SNX9: variants seen among roughly 807,000 people sequenced by gnomAD.
SNX9 encodes sorting nexin 9.
In SNX9, 44 loss-of-function variants were observed where a neutral mutation model predicts 89.4. That is an observed-to-expected ratio of 0.49 (90% CI 0.39 to 0.63). The LOEUF (loss-of-function observed/expected upper bound fraction) is 0.63. SNX9 is among the 30% of genes least tolerant of loss of function. The probability of loss-of-function intolerance (pLI) is 0.00; values close to 1 mark genes in which losing one functional copy is unlikely to be tolerated. For missense variants in SNX9, 578 were observed against 736.1 expected, an observed-to-expected ratio of 0.79 and a Z score of 2.49; for synonymous variants, 236 against 247.8, an observed-to-expected ratio of 0.95 and a Z score of 0.45.
At chr6:157,828,767 G>C (rs765497503) in intron 1 of SNX9, among the ~76,000 whole-genome samples, 5 of 152,034 alleles carry the variant, frequency 3.3e-5, no homozygotes, top group African/African-American at 1.2e-4. Flanking sequence ...GAGACACTAC[G>C]CCTGGCCACA....
intron 5 of SNX9, among the ~76,000 whole-genome samples, chr6:157,899,808 G>A (rs759508342): frequency 1.2e-4 from 19 of 152,044 alleles, no homozygotes; most frequent in South Asian, 2.1e-4. Context: ...GGTATACAGC[G>A]TGATGTTGTA....
chr6:157,870,605 G>A (rs1782383884), intron 2 of SNX9, among the ~76,000 whole-genome samples: 1 of 114,580 alleles, frequency 8.7e-6, no homozygotes, highest in Non-Finnish European at 1.8e-5. Flanking sequence ...ACACCCCTCA[G>A]ACACTCTCAC....
intron 9 of SNX9, among the ~76,000 whole-genome samples, chr6:157,914,127 T>C (rs1783408606): frequency 2.0e-5 from 3 of 152,186 alleles, no homozygotes; most frequent in African/African-American, 4.8e-5. Flanking sequence ...AGAGTATCAG[T>C]AGTAGTTCCA....
intron 1 of SNX9, among the ~76,000 whole-genome samples, chr6:157,834,160 T>TTTTG (rs1781531834): frequency 2.0e-5 from 2 of 98,322 alleles, no homozygotes; most frequent in African/African-American, 4.7e-5. Context: ...GTTTTTTTTT[T>TTTTG]TTTTTTTTTT....
chr6:157,927,686 TA>T (rs1371617243), intron 11 of SNX9, among the ~76,000 whole-genome samples: 1 of 151,420 alleles, frequency 6.6e-6, no homozygotes, highest in African/African-American at 2.4e-5. Flanking sequence ...CTTACGGACT[TA>T]AAAGAAATTT....
chr6:157,916,031 C>T (rs1369721304), intron 9 of SNX9, among the ~76,000 whole-genome samples: 1 of 149,534 alleles, frequency 6.7e-6, no homozygotes, highest in East Asian at 2.0e-4. Flanking sequence ...GTTTTTTTGT[C>T]TTTTCTTTTT....
chr6:157,877,900 A>G (rs1335617832), intron 4 of SNX9, among the ~76,000 whole-genome samples: 1 of 152,014 alleles, frequency 6.6e-6, no homozygotes, highest in Non-Finnish European at 1.5e-5. Flanking sequence ...TGGTTATCCA[A>G]CTTCCTGAGT....
chr6:157,883,310 CAT>C (rs1289825770), intron 4 of SNX9, among the ~76,000 whole-genome samples: 1 of 152,228 alleles, frequency 6.6e-6, no homozygotes, highest in Non-Finnish European at 1.5e-5. Context: ...AAAAAGTCCA[CAT>C]GACTCACTTT....
At chr6:157,852,443 G>A (rs536781809) in intron 1 of SNX9, among the ~76,000 whole-genome samples, 57 of 151,486 alleles carry the variant, frequency 3.8e-4, no homozygotes, top group African/African-American at 1.2e-3. Context: ...TCCTCCTCTC[G>A]CTACCATGGT....
At chr6:157,910,568 G>A (rs1395441447) in intron 9 of SNX9, among the ~76,000 whole-genome samples, 1 of 151,822 alleles carries the variant, frequency 6.6e-6, no homozygotes, top group Non-Finnish European at 1.5e-5. Flanking sequence ...TTTTAAAAGT[G>A]CCATTTTCTA....
chr6:157,901,860 T>G (rs1256464553), intron 5 of SNX9, 38 bp from the exon 6 acceptor site: 2 of 1,565,612 alleles, frequency 1.3e-6, no homozygotes, highest in Admixed American at 4.2e-5. Context: ...TGGTCTTTTT[T>G]TTTTTTTTAA....
chr6:157,928,601 A>G lies in SNX9; in HGVS notation c.1187A>G (p.Glu396Gly). ...CTGACGGCCGCCTTCACCCACAGAG[A>G]GCAGAAGTGCGAGGCTGTGGGGAAG... is the stretch of plus-strand genomic sequence containing the variant. The part of the protein sequence containing the change: ...EAPDLDLVEI[E>G]QKCEAVGKFT... The change falls in exon 12 of 18, where the codon GAG becomes GGG. Residue 396 changes from glutamate (E) to glycine (G), a missense_variant and splice_region_variant. Glu to Gly is a moderately conservative substitution (Grantham distance 98, BLOSUM62 -2). This residue lies in a region of SNX9 where 348 missense variants were observed against 491.4 expected (regional missense o/e 0.71). Coordinates refer to ENST00000392185, the MANE Select transcript of SNX9 (RefSeq NM_016224.5). The G allele has an allele frequency of 3.1e-6, 5 of 1,605,370 alleles. No homozygotes were observed. The highest frequency in any genetic ancestry group is 4.3e-6 in the Non-Finnish European group (5 of 1,176,260).
intron 9 of SNX9, 123 bp from the exon 10 acceptor site, chr6:157,921,408 C>G: frequency 1.0e-6 from 1 of 969,626 alleles, no homozygotes; most frequent in Non-Finnish European, 1.5e-6. Context: ...CATGGTTTAC[C>G]TTTTGCTAAA....
At chr6:157,858,250 CTTTT>C (rs141525968) in intron 1 of SNX9, among the ~76,000 whole-genome samples, 1 of 143,850 alleles carries the variant, frequency 7.0e-6, no homozygotes, top group Non-Finnish European at 1.5e-5. Context: ...TTTCTTTTTT[CTTTT>C]TTTTTTTTTG....
intron 1 of SNX9, among the ~76,000 whole-genome samples, chr6:157,846,861 A>G (rs946682061): frequency 5.3e-5 from 8 of 152,152 alleles, no homozygotes; most frequent in African/African-American, 1.9e-4. Context: ...AGCCTAGCCA[A>G]CGTGGCGAAA....
chr6:157,928,738 G>A lies in SNX9; in HGVS notation c.1288+36G>A, dbSNP rs139090397. ...TCCTCACAGTGCACTGGGCTCGTAG[G>A]GGGTGATGCAGGCTCAGTTTTATGT... On this transcript the variant is annotated intron_variant, in intron 12 of 17. Coordinates refer to ENST00000392185, the MANE Select transcript of SNX9 (RefSeq NM_016224.5). 9,848 of 1,483,252 alleles carry A rather than the reference G, an allele frequency of 6.6e-3. 50 individuals carry two copies. The highest frequency in any genetic ancestry group is 0.025 in the Middle Eastern group (139 of 5,610). The allele number at this position is 1,483,252 out of a possible 1,614,324, so 91.9% of individuals were successfully genotyped here. A position where few individuals can be genotyped will look rare whatever the true frequency, so the allele number is the denominator to read the frequency against.
chr6:157,844,094 C>T (rs1258728988), intron 1 of SNX9, among the ~76,000 whole-genome samples: 1 of 151,888 alleles, frequency 6.6e-6, no homozygotes, highest in Non-Finnish European at 1.5e-5. Flanking sequence ...TGGCTGGTCT[C>T]GAACTCCTGG....
At chr6:157,874,492 T>C (rs1304013038) in intron 3 of SNX9, 1 of 152,194 alleles carries the variant, frequency 6.6e-6, no homozygotes, top group African/African-American at 2.4e-5. Flanking sequence ...TTTAAGAATA[T>C]AAAACCCCCT....
chr6:157,867,571 G>T lies in SNX9; in HGVS notation c.37G>T (p.Ala13Ser). 1 of 1,612,562 alleles carries T rather than the reference G, an allele frequency of 6.2e-7. No individual in the cohort carries two copies. ...GGCTCGGGTTATGTATGATTTTGCT[G>T]CTGAACCTGGAAATAATGAACTGAC... ...TKARVMYDFA[A>S]EPGNNELTVN... The change falls in exon 2 of 18, where the codon GCT becomes TCT. Residue 13 changes from alanine to serine, a missense_variant. Transcript: ENST00000392185.
Sources: gnomAD v4.1 joint callset for allele counts (sites outside exome capture counted in the v4.1 genomes callset) on GRCh38, gnomAD v4.1.1 for gene constraint, gnomAD v4.1.1 regional missense constraint, MANE v1.5 for transcripts, NCBI Gene and HGNC (gene_info 2026-07-23, HGNC 2026-07-21) for gene names.